The following SUB1 variants were observed in gnomAD, a reference collection of about 807,000 sequenced individuals.
The protein encoded by SUB1 is SUB1 regulator of transcription, also known as activated RNA polymerase II transcriptional coactivator p15.
A neutral mutation model predicts 16.9 loss-of-function variants in SUB1; 1 was observed. That is an observed-to-expected ratio of 0.06 (90% CI 0.02 to 0.28). The LOEUF is 0.28. SUB1 is among the 10% of genes least tolerant of loss of function. SUB1 has a pLI of 1.00. For missense variants in SUB1, 84 were observed against 145.2 expected, an observed-to-expected ratio of 0.58 and a Z score of 2.16; for synonymous variants, 51 against 46.9, an observed-to-expected ratio of 1.09 and a Z score of -0.36.
intron 1 of SUB1, among the ~76,000 whole-genome samples, chr5:32,588,089 T>C (rs965413653): frequency 6.9e-6 from 1 of 144,800 alleles, no homozygotes; most frequent in Non-Finnish European, 1.5e-5. Flanking sequence ...GTGAATAATT[T>C]TACGTTAGTT....
chr5:32,599,456 C>T (rs944660482), intron 4 of SUB1, among the ~76,000 whole-genome samples: 2 of 152,182 alleles, frequency 1.3e-5, no homozygotes, highest in Non-Finnish European at 1.5e-5. Context: ...TTCTTTAGGG[C>T]ATTACTCTTC....
chr5:32,587,714 G>A (rs912533600), intron 1 of SUB1, among the ~76,000 whole-genome samples: 1 of 151,860 alleles, frequency 6.6e-6, no homozygotes, highest in Non-Finnish European at 1.5e-5. Context: ...GTGTTGAAGC[G>A]ATTCTCCTGC....
chr5:32,599,029 T>C lies in SUB1; in HGVS notation c.264T>C (p.Tyr88=), dbSNP rs760739879. The stretch of plus-strand genomic sequence containing the variant: ...AAGTGCTAATTGATATTAGAGAATA[T>C]TGGATGGATCCTGAAGGTGAAATGA... The part of the protein sequence containing the change: ...KGKVLIDIRE[Y]WMDPEGEMKP... Residue 88 remains tyrosine, a synonymous_variant, in exon 4 of 5, where the codon TAT becomes TAC. Coordinates refer to ENST00000265073, the MANE Select transcript of SUB1 (RefSeq NM_006713.4). 4.3e-6 allele frequency: 7 copies of C among 1,613,762 alleles called. No individual in the cohort carries two copies. The highest frequency in any genetic ancestry group is 5.9e-6 in the Non-Finnish European group (7 of 1,179,842).
intron 2 of SUB1, 113 bp from the exon 3 acceptor site, chr5:32,591,450 A>G (rs1474368984): frequency 1.5e-6 from 2 of 1,362,520 alleles, no homozygotes; most frequent in East Asian, 2.6e-5. Context: ...TATATTTATG[A>G]TATTTTGGAT....
Position 32,588,510 on chromosome 5 carries a change from A to G in SUB1, c.-1-2A>G. 1 of 1,611,162 alleles carries G rather than the reference A, an allele frequency of 6.2e-7. No individual in the cohort carries two copies. The highest frequency in any genetic ancestry group is 1.7e-5 in the Admixed American group (1 of 59,832). Reference sequence around the variant, plus strand: ...TATTTTTGTAATGTATTTTTCTTTCAGGATGCCTAAATCAAAGGAACTTGT... The same window carrying G: ...TATTTTTGTAATGTATTTTTCTTTCGGGATGCCTAAATCAAAGGAACTTGT... On this transcript the variant is annotated splice_acceptor_variant, in intron 1 of 4. Coordinates refer to ENST00000265073, the MANE Select transcript of SUB1 (RefSeq NM_006713.4). LOFTEE classifies it low-confidence loss of function (5UTR_SPLICE).
At chr5:32,594,597 G>T (rs889438277) in intron 3 of SUB1, 1 of 455,028 alleles carries the variant, frequency 2.2e-6, no homozygotes, top group Admixed American at 2.4e-5. Flanking sequence ...TTATCACAGG[G>T]GTCCCTCCTG....
Position 32,601,192 on chromosome 5 carries a change from T to A in SUB1, c.*108T>A. 3 of 864,538 alleles carry A rather than the reference T, an allele frequency of 3.5e-6. No homozygotes were observed. Among genetic ancestry groups the A allele is most frequent in the Admixed American group, 5.6e-5 (2 of 35,530 alleles). 53.6% of individuals were successfully genotyped at this position (864,538 alleles called of 1,614,324 possible). A position where few individuals can be genotyped will look rare whatever the true frequency, so the allele number is the denominator to read the frequency against. On this transcript the variant is annotated 3_prime_UTR_variant, in exon 5 of 5. Transcript: ENST00000265073. ...TCTCCAAGCTATTGTATGTTTGGAT[T>A]GCAGAAGAATTTGTAAGATGAATAC... is the stretch of plus-strand genomic sequence containing the variant.
At position 32,599,086 on chromosome 5, in the gene SUB1, TG is replaced by T; in HGVS notation, c.304+18del. Reference sequence around the variant, plus strand: ...GAAGAAAAGGTGAGGTCTAATTACTTGAATTTTATTACAGTGTTAGGACTAA... The same window carrying T: ...GAAGAAAAGGTGAGGTCTAATTACTTAATTTTATTACAGTGTTAGGACTAA... On this transcript the variant is annotated intron_variant, in intron 4 of 4. Transcript: ENST00000265073. 1 of 1,584,282 alleles carries T rather than the reference TG, an allele frequency of 6.3e-7. No homozygotes were observed. The highest frequency in any genetic ancestry group is 8.7e-7 in the Non-Finnish European group (1 of 1,154,276).
At chr5:32,592,395 A>G (rs904623861) in intron 3 of SUB1, among the ~76,000 whole-genome samples, 1 of 152,248 alleles carries the variant, frequency 6.6e-6, no homozygotes, top group Non-Finnish European at 1.5e-5. Flanking sequence ...AAGGAAGTTC[A>G]TTAGAGGGAC....
At chr5:32,595,891 C>T (rs1225999107) in intron 3 of SUB1, 1 of 151,960 alleles carries the variant, frequency 6.6e-6, no homozygotes, top group Admixed American at 6.6e-5. Flanking sequence ...TTTCCATTTC[C>T]CTCATGTACA....
At chr5:32,593,310 T>C (rs1180178050) in intron 3 of SUB1, among the ~76,000 whole-genome samples, 2 of 152,072 alleles carry the variant, frequency 1.3e-5, no homozygotes, top group Admixed American at 6.5e-5. Flanking sequence ...TGGCCAAGAC[T>C]GTAGACATTT....
chr5:32,588,103 A>G lies in SUB1; in HGVS notation c.-1-409A>G, dbSNP rs534849715. Among the ~76,000 whole-genome samples, 6 of 152,118 alleles carry G rather than the reference A, an allele frequency of 3.9e-5. No homozygotes were observed. The East Asian group carries it at 5.8e-4, about 15-fold the overall frequency. ...AGTGAATAATTTTACGTTAGTTCCAATCTCGTTGATGAGAAGTCTAAAGCA... is the reference window on the plus strand; with the variant it reads ...AGTGAATAATTTTACGTTAGTTCCAGTCTCGTTGATGAGAAGTCTAAAGCA... On this transcript the variant is annotated intron_variant, in intron 1 of 4. Transcript: ENST00000265073.
At chr5:32,588,175 C>T (rs577437658) in intron 1 of SUB1, among the ~76,000 whole-genome samples, 1 of 152,258 alleles carries the variant, frequency 6.6e-6, no homozygotes, top group East Asian at 1.9e-4. Context: ...TAATTGTTGT[C>T]TGCTGCCTTC....
chr5:32,589,535 CT>C (rs959538176), intron 2 of SUB1, among the ~76,000 whole-genome samples: 1 of 152,192 alleles, frequency 6.6e-6, no homozygotes, highest in Non-Finnish European at 1.5e-5. Flanking sequence ...CGCAGTAAAG[CT>C]AACTTGAAAC....
intron 4 of SUB1, among the ~76,000 whole-genome samples, chr5:32,600,306 T>C (rs1739084142): frequency 6.6e-6 from 1 of 152,238 alleles, no homozygotes; most frequent in Admixed American, 6.5e-5. Context: ...CTCAGCACAA[T>C]TGGCTTGAAT....
intron 1 of SUB1, among the ~76,000 whole-genome samples, chr5:32,587,979 C>CA (rs1678069389): frequency 6.6e-6 from 1 of 152,004 alleles, no homozygotes; most frequent in South Asian, 2.1e-4. Flanking sequence ...GCCAAAAAGT[C>CA]AAAATATGAA....
Position 32,594,637 on chromosome 5 carries a change from AT to A in SUB1, c.195+2954del, listed in dbSNP as rs1415871404. 2.2e-5 allele frequency: 10 copies of A among 453,218 alleles called. No homozygotes were observed. In the East Asian group the frequency reaches 7.0e-4, roughly 32 times the overall value. 28.1% of individuals were successfully genotyped at this position (453,218 alleles called of 1,614,324 possible). A position where few individuals can be genotyped will look rare whatever the true frequency, so the allele number is the denominator to read the frequency against. On this transcript the variant is annotated intron_variant, in intron 3 of 4. Coordinates refer to ENST00000265073, the MANE Select transcript of SUB1 (RefSeq NM_006713.4). ...GGAGGTGAGCGGTGTGTGAGTGAAC[AT>A]TGCAGCCCGAGCTCTGCCTCCTGTC...
intron 3 of SUB1, chr5:32,596,721 G>C (rs143814123): frequency 5.3e-5 from 8 of 151,958 alleles, no homozygotes; most frequent in African/African-American, 1.9e-4. Context: ...TATCCAATGC[G>C]TGTGTATTTT....
At position 32,587,333 on chromosome 5, in the gene SUB1, G is replaced by C. The variant is rs369375353; in HGVS notation, c.-1-1179G>C. Among the ~76,000 whole-genome samples the C allele has an allele frequency of 7.0e-4, 107 of 152,244 alleles. 3 individuals are homozygous for C. In the East Asian group the frequency reaches 7.3e-3, roughly 10 times the overall value. ...TGAATAGAGGTATCCACGTATCTTG[G>C]AATTCCTTGAAATTTGGGGCTTAGG... On this transcript the variant is annotated intron_variant, in intron 1 of 4. Transcript: ENST00000265073.
Sources: gnomAD v4.1 joint callset for allele counts (sites outside exome capture counted in the v4.1 genomes callset) on GRCh38, gnomAD v4.1.1 for gene constraint, MANE v1.5 for transcripts, NCBI Gene and HGNC (gene_info 2026-07-23, HGNC 2026-07-21) for gene names.